The following PCLO variants were observed in gnomAD, a reference collection of about 807,000 sequenced individuals.
The protein encoded by PCLO is piccolo presynaptic cytomatrix protein, also known as protein piccolo.
Under a neutral mutation model 427.5 loss-of-function variants are expected in PCLO, and 82 were observed. That is an observed-to-expected ratio of 0.19 (90% confidence interval 0.16 to 0.23). PCLO has a LOEUF of 0.23. Among genes scored for constraint, PCLO ranks in the 10% least tolerant of loss-of-function variants. The pLI, the probability that PCLO is intolerant of heterozygous loss-of-function variation, is 1.00. For synonymous variants in PCLO, 2,357 were observed against 2,155.4 expected, an observed-to-expected ratio of 1.09 and a Z score of -2.59; for missense variants, 6,239 against 6,115.9, an observed-to-expected ratio of 1.02 and a Z score of -0.67.
At chr7:82,923,274 T>G (rs1794639092) in intron 6 of PCLO, among the ~76,000 whole-genome samples, 1 of 151,984 alleles carries the variant, frequency 6.6e-6, no homozygotes, top group South Asian at 2.1e-4. Context: ...TTGAAAAATA[T>G]GAAGGATAAT....
At position 82,893,823 on chromosome 7, in the gene PCLO, T is replaced by C. The variant is rs116315514; in HGVS notation, c.13528+8828A>G. On this transcript the variant is annotated intron_variant, in intron 9 of 24. Transcript: ENST00000333891. Reference sequence around the variant, plus strand: ...CTGATTCAATTATTTAGAATTGTTATTATGTTCTCAGATGAGTAATTCTGG... The same window carrying C: ...CTGATTCAATTATTTAGAATTGTTACTATGTTCTCAGATGAGTAATTCTGG... 7.9e-3 allele frequency among the ~76,000 whole-genome samples: 1,198 copies of C among 152,082 alleles called. 21 individuals carry two copies. Among genetic ancestry groups the C allele is most frequent in the African/African-American group, 0.026 (1,084 of 41,520 alleles).
chr7:82,949,290 C>T (rs569270193), intron 6 of PCLO, among the ~76,000 whole-genome samples, 186 bp downstream of exon 6: 13 of 151,664 alleles, frequency 8.6e-5, no homozygotes, highest in Non-Finnish European at 1.5e-4. Context: ...CACACACACA[C>T]GTGTGCACAC....
At chr7:83,053,625 A>C (rs1240435744) in intron 3 of PCLO, among the ~76,000 whole-genome samples, 7 of 151,914 alleles carry the variant, frequency 4.6e-5, no homozygotes, top group Non-Finnish European at 1.0e-4. Context: ...ATTTAGTTAG[A>C]TCGACATTGA....
chr7:83,059,915 G>A (rs1049634469), intron 3 of PCLO, among the ~76,000 whole-genome samples: 1 of 152,182 alleles, frequency 6.6e-6, no homozygotes, highest in Non-Finnish European at 1.5e-5. Context: ...TGTAGTGCAA[G>A]GTTAAGATGA....
At chr7:83,156,510 A>T in intron 1 of PCLO, 118 bp from the exon 2 acceptor site, 1 of 603,306 alleles carries the variant, frequency 1.7e-6, no homozygotes, top group Non-Finnish European at 2.7e-6. Context: ...TATAAATATA[A>T]CTAGAACCCA....
At chr7:83,070,756 C>A (rs1350197532) in intron 3 of PCLO, among the ~76,000 whole-genome samples, 2 of 152,108 alleles carry the variant, frequency 1.3e-5, no homozygotes, top group Non-Finnish European at 2.9e-5. Flanking sequence ...TAAACAGTGA[C>A]AACAGAAACT....
chr7:82,794,661 C>G (rs6947564), intron 22 of PCLO, among the ~76,000 whole-genome samples: 1 of 150,258 alleles, frequency 6.7e-6, no homozygotes. Flanking sequence ...TTTGTAGAGA[C>G]GGGGTTTATG....
At chr7:82,776,515 C>T (rs1257946983) in intron 22 of PCLO, among the ~76,000 whole-genome samples, 1 of 152,170 alleles carries the variant, frequency 6.6e-6, no homozygotes, top group African/African-American at 2.4e-5. Flanking sequence ...AAAATCTGGG[C>T]TGGGGATGGT....
In PCLO at chr7:82,952,865, T is replaced by C; in HGVS notation, c.8088A>G (p.Ile2696Met). ...GAGCAAGAGGCTCTGGAGGAATTGT[T>C]ATGGAAATGCTGCTGAGACCAACAC... Reference protein sequence around the residue: ...APSVGLSSISITIPPEPLALD... With the variant: ...APSVGLSSISMTIPPEPLALD... Residue 2696 changes from isoleucine (I) to methionine (M), a missense_variant, in exon 5 of 25, where the codon ATA (isoleucine) becomes ATG (methionine). Physicochemically the swap from Ile to Met is conservative, Grantham distance 10. This residue lies in a region of PCLO where 4,677 missense variants were observed against 4,468.4 expected (regional missense o/e 1.05). Coordinates refer to ENST00000333891, the MANE Select transcript of PCLO (RefSeq NM_033026.6). 6.2e-7 allele frequency: 1 copy of C among 1,613,898 alleles called. No individual in the cohort carries two copies. Among genetic ancestry groups the C allele is most frequent in the Non-Finnish European group, 8.5e-7 (1 of 1,179,856 alleles).
intron 10 of PCLO, among the ~76,000 whole-genome samples, chr7:82,853,429 A>G (rs1327177015): frequency 6.6e-6 from 1 of 152,080 alleles, no homozygotes; most frequent in African/African-American, 2.4e-5. Context: ...CATAAGAACA[A>G]TTGCTATTAA....
intron 3 of PCLO, among the ~76,000 whole-genome samples, chr7:83,105,906 A>C (rs937179182): frequency 2.0e-5 from 3 of 151,496 alleles, no homozygotes; most frequent in African/African-American, 7.3e-5. Flanking sequence ...CTTGCTTGTA[A>C]GTAACAAAAA....
chr7:82,860,022 C>G (rs1224599222), intron 10 of PCLO, among the ~76,000 whole-genome samples: 1 of 151,244 alleles, frequency 6.6e-6, no homozygotes. Flanking sequence ...TTAACGTACA[C>G]CAAGAAGACA....
intron 3 of PCLO, among the ~76,000 whole-genome samples, chr7:83,026,425 C>A: frequency 6.6e-6 from 1 of 152,118 alleles, no homozygotes. Flanking sequence ...TATATATGCA[C>A]CCAATACAGG....
At chr7:82,804,077 A>AATT (rs1344304297) in intron 21 of PCLO, among the ~76,000 whole-genome samples, 1 of 152,152 alleles carries the variant, frequency 6.6e-6, no homozygotes, top group East Asian at 1.9e-4. Context: ...AAGGATAACA[A>AATT]ATTATGTGTG....
rs1455621750 is a variant in PCLO, at chr7:82,952,143, C to A, written c.8810G>T (p.Arg2937Ile). ...EKPVDLTAGR[R>I]AVCCDVVYKL... ...ATAAACCACATCACAGCACACAGCT[C>A]TTCTCCCTGCGGTTAAATCAACGGG... Residue 2937 changes from arginine (R) to isoleucine (I), a missense_variant, in exon 5 of 25, where the codon AGA becomes ATA. Around this residue, in one of 5 missense-constraint regions of PCLO, gnomAD observed 4,677 missense variants for 4,468.4 expected, o/e 1.05. Transcript: ENST00000333891. 6.2e-7 allele frequency: 1 copy of A among 1,609,142 alleles called. No homozygotes were observed. The highest frequency in any genetic ancestry group is 2.2e-5 in the East Asian group (1 of 44,592).
intron 3 of PCLO, among the ~76,000 whole-genome samples, chr7:82,967,154 G>C (rs989023886): frequency 2.0e-5 from 3 of 150,820 alleles, no homozygotes; most frequent in Non-Finnish European, 4.4e-5. Flanking sequence ...CTTTTTCCCT[G>C]AGTGTCCTGA....
At chr7:82,866,449 C>G (rs1793094898) in intron 10 of PCLO, among the ~76,000 whole-genome samples, 1 of 151,336 alleles carries the variant, frequency 6.6e-6, no homozygotes, top group East Asian at 1.9e-4. Context: ...CTCACATGTC[C>G]AAGAAGAGAA....
intron 22 of PCLO, among the ~76,000 whole-genome samples, chr7:82,781,812 T>C (rs1790878618): frequency 6.6e-6 from 1 of 152,178 alleles, no homozygotes; most frequent in Admixed American, 6.5e-5. Context: ...GTTGACATCA[T>C]GAAGCTTCCA....
At chr7:83,016,060 A>G (rs1018231897) in intron 3 of PCLO, among the ~76,000 whole-genome samples, 6 of 152,254 alleles carry the variant, frequency 3.9e-5, no homozygotes, top group African/African-American at 1.4e-4. Context: ...CAGCCTGGGT[A>G]GAAAATCAAA....
Sources: gnomAD v4.1 joint callset for allele counts (sites outside exome capture counted in the v4.1 genomes callset) on GRCh38, gnomAD v4.1.1 for gene constraint, gnomAD v4.1.1 regional missense constraint, MANE v1.5 for transcripts, NCBI Gene and HGNC (gene_info 2026-07-23, HGNC 2026-07-21) for gene names.